The following ARL15 variants were observed in gnomAD, a reference collection of about 807,000 sequenced individuals.
ARL15 encodes ADP-ribosylation factor-like protein 15.
A neutral mutation model predicts 25.2 loss-of-function variants in ARL15; 19 were observed. The ratio of observed to expected loss-of-function variants is 0.75; its 90% CI spans 0.53 to 1.10. The LOEUF (loss-of-function observed/expected upper bound fraction) is 1.10. Among genes scored for constraint, ARL15 ranks in the 50% least tolerant of loss-of-function variants. The pLI, the probability that ARL15 is intolerant of heterozygous loss-of-function variation, is 0.00. For missense variants in ARL15, 220 were observed against 246.0 expected, an observed-to-expected ratio of 0.89 and a Z score of 0.71; for synonymous variants, 94 against 86.8, an observed-to-expected ratio of 1.08 and a Z score of -0.46.
At chr5:54,117,199 G>A (rs1397880670) in intron 3 of ARL15, among the ~76,000 whole-genome samples, 2 of 152,132 alleles carry the variant, frequency 1.3e-5, no homozygotes, top group South Asian at 4.1e-4. Flanking sequence ...ATGGTGTCCA[G>A]TGAGTCAGGT....
intron 1 of ARL15, among the ~76,000 whole-genome samples, chr5:54,301,993 C>A (rs2112714054): frequency 6.6e-6 from 1 of 152,310 alleles, no homozygotes; most frequent in South Asian, 2.1e-4. Context: ...GCTCTATGAG[C>A]CAAAGGGCAG....
intron 1 of ARL15, among the ~76,000 whole-genome samples, chr5:54,271,845 C>T (rs1041820640): frequency 1.3e-5 from 2 of 152,110 alleles, no homozygotes; most frequent in African/African-American, 2.4e-5. Context: ...ACCAAATCAT[C>T]ACCAGGGTCA....
At chr5:54,131,893 A>G (rs1477034004) in intron 3 of ARL15, among the ~76,000 whole-genome samples, 2 of 150,032 alleles carry the variant, frequency 1.3e-5, no homozygotes, top group East Asian at 3.9e-4. Context: ...ACAGAGCAAG[A>G]CTCCGTCTCA....
chr5:54,031,314 C>T (rs1285956177), intron 4 of ARL15, among the ~76,000 whole-genome samples: 2 of 152,074 alleles, frequency 1.3e-5, no homozygotes, highest in African/African-American at 4.8e-5. Flanking sequence ...CCATCTAGTT[C>T]CTGGAACTAC....
At chr5:54,306,596 A>G (rs1201062973) in intron 1 of ARL15, among the ~76,000 whole-genome samples, 6 of 152,090 alleles carry the variant, frequency 3.9e-5, no homozygotes, top group African/African-American at 1.4e-4. Context: ...TCTCCATGTC[A>G]GCCAGGCTGG....
chr5:54,268,245 C>G (rs1757680332), intron 1 of ARL15, among the ~76,000 whole-genome samples: 1 of 152,134 alleles, frequency 6.6e-6, no homozygotes, highest in Non-Finnish European at 1.5e-5. Context: ...ACCCTTTCTT[C>G]CAGTTGATCG....
At chr5:54,022,015 G>A (rs979128265) in intron 4 of ARL15, among the ~76,000 whole-genome samples, 3 of 152,164 alleles carry the variant, frequency 2.0e-5, no homozygotes, top group African/African-American at 7.2e-5. Flanking sequence ...GAAAAGATCT[G>A]TCAAGACAGA....
At chr5:53,934,835 T>A (rs946355891) in intron 4 of ARL15, among the ~76,000 whole-genome samples, 27 of 152,204 alleles carry the variant, frequency 1.8e-4, no homozygotes, top group Non-Finnish European at 4.4e-5. Flanking sequence ...ACAGTATACA[T>A]CTTTCTTTAG....
chr5:54,113,545 C>T (rs1386441657), intron 3 of ARL15, 135 bp from the exon 4 acceptor site: 6 of 819,132 alleles, frequency 7.3e-6, no homozygotes, highest in East Asian at 5.4e-5. Flanking sequence ...TGGATTAAAA[C>T]AGGAATTTAG....
At chr5:54,240,242 A>G (rs1756923709) in intron 1 of ARL15, among the ~76,000 whole-genome samples, 1 of 145,710 alleles carries the variant, frequency 6.9e-6, no homozygotes, top group African/African-American at 2.6e-5. Flanking sequence ...TAAAAAAAAA[A>G]AAAACACATC....
chr5:54,190,353 A>C (rs1041470283), intron 1 of ARL15, among the ~76,000 whole-genome samples: 1 of 151,824 alleles, frequency 6.6e-6, no homozygotes, highest in African/African-American at 2.4e-5. Flanking sequence ...AGATCACCCC[A>C]CTGCACTCCA....
intron 4 of ARL15, among the ~76,000 whole-genome samples, chr5:53,934,711 C>T (rs971908042): frequency 6.6e-6 from 1 of 152,146 alleles, no homozygotes; most frequent in East Asian, 1.9e-4. Context: ...GCCCAAATCA[C>T]AGTCATATTT....
At chr5:54,043,634 C>A (rs1750411473) in intron 4 of ARL15, among the ~76,000 whole-genome samples, 1 of 152,088 alleles carries the variant, frequency 6.6e-6, no homozygotes, top group East Asian at 1.9e-4. Flanking sequence ...GGCTACATTT[C>A]CATCATAGGG....
intron 2 of ARL15, among the ~76,000 whole-genome samples, chr5:54,159,345 T>C (rs760230980): frequency 6.6e-6 from 1 of 152,146 alleles, no homozygotes; most frequent in Non-Finnish European, 1.5e-5. Flanking sequence ...ACAGGAAGTG[T>C]CCTCTGATGC....
chr5:54,124,460 A>G (rs1186389715), intron 3 of ARL15, among the ~76,000 whole-genome samples: 1 of 152,208 alleles, frequency 6.6e-6, no homozygotes. Flanking sequence ...AGAAAAAAAT[A>G]GCAAAGAAAA....
intron 1 of ARL15, among the ~76,000 whole-genome samples, chr5:54,282,040 A>G (rs1758073717): frequency 6.6e-6 from 1 of 152,210 alleles, no homozygotes; most frequent in African/African-American, 2.4e-5. Context: ...TTTCCTACAC[A>G]GGTCTTCTGG....
At chr5:54,285,411 C>T (rs1758158652) in intron 1 of ARL15, 1 of 748,040 alleles carries the variant, frequency 1.3e-6, no homozygotes, top group African/African-American at 1.9e-5. Context: ...AAAACTTCAA[C>T]AAGATGGCAG....
chr5:54,139,931 G>C (rs79663667), intron 3 of ARL15, among the ~76,000 whole-genome samples: 2,211 of 152,232 alleles, frequency 0.015, 49 homozygotes, highest in African/African-American at 0.049. Flanking sequence ...TAAATTGAAA[G>C]CATACTCATT....
intron 1 of ARL15, among the ~76,000 whole-genome samples, chr5:54,183,415 T>G (rs2112435613): frequency 7.7e-6 from 1 of 129,502 alleles, no homozygotes; most frequent in East Asian, 2.3e-4. Flanking sequence ...AATCATGTGG[T>G]TTTTGTCTTT....
Sources: gnomAD v4.1 joint callset for allele counts (sites outside exome capture counted in the v4.1 genomes callset) on GRCh38, gnomAD v4.1.1 for gene constraint, MANE v1.5 for transcripts, NCBI Gene and HGNC (gene_info 2026-07-23, HGNC 2026-07-21) for gene names.